The following DGKG variants were observed in gnomAD, a reference collection of about 807,000 sequenced individuals.
DGKG encodes the protein DAG kinase gamma.
In DGKG, 78 loss-of-function variants were observed where a neutral mutation model predicts 105.3. The ratio of observed to expected loss-of-function variants is 0.74; its 90% CI spans 0.62 to 0.89. DGKG has a LOEUF of 0.89. Ranked by LOEUF, DGKG falls within the 40% of genes least tolerant of loss-of-function variation. The probability of loss-of-function intolerance (pLI) is 0.00; values close to 1 mark genes in which losing one functional copy is unlikely to be tolerated. For synonymous variants in DGKG, 346 were observed against 367.1 expected (o/e 0.94, Z 0.66); for missense variants, 958 against 1,020.1 (o/e 0.94, Z 0.83).
chr3:186,254,755 C>T (rs1480023735), intron 17 of DGKG, among the ~76,000 whole-genome samples: 1 of 152,178 alleles, frequency 6.6e-6, no homozygotes, highest in Non-Finnish European at 1.5e-5. Context: ...CCTCCAGTTC[C>T]ACCCTCCTAG....
At chr3:186,179,163 G>T (rs780838808) in intron 22 of DGKG, among the ~76,000 whole-genome samples, 10 of 152,144 alleles carry the variant, frequency 6.6e-5, no homozygotes, top group Non-Finnish European at 1.3e-4. Flanking sequence ...CTAGTGCAGG[G>T]ATTGACTAAC....
At chr3:186,222,811 C>G (rs1719653759) in intron 20 of DGKG, among the ~76,000 whole-genome samples, 1 of 151,410 alleles carries the variant, frequency 6.6e-6, no homozygotes, top group African/African-American at 2.4e-5. Context: ...CACCCCATCT[C>G]TACTAAAAAT....
chr3:186,206,096 A>G (rs1285407595), intron 21 of DGKG, among the ~76,000 whole-genome samples: 1 of 152,138 alleles, frequency 6.6e-6, no homozygotes, highest in Non-Finnish European at 1.5e-5. Flanking sequence ...TTAAATATCA[A>G]GGAATTGGGC....
chr3:186,211,724 T>C, intron 21 of DGKG, 71 bp downstream of exon 21: 1 of 1,135,644 alleles, frequency 8.8e-7, no homozygotes, highest in South Asian at 1.2e-5. Context: ...AGAGGATACA[T>C]CCTGTGCATG....
At chr3:186,336,524 C>T (rs1725840045) in intron 1 of DGKG, among the ~76,000 whole-genome samples, 4 of 151,992 alleles carry the variant, frequency 2.6e-5, no homozygotes, top group South Asian at 4.2e-4. Flanking sequence ...ATGAATGAAG[C>T]CTCCAACTCA....
chr3:186,179,937 A>G (rs758750861), intron 22 of DGKG, among the ~76,000 whole-genome samples: 14 of 152,148 alleles, frequency 9.2e-5, no homozygotes, highest in Admixed American at 5.2e-4. Context: ...ACAATCCCCT[A>G]ACTCACTGCT....
intron 1 of DGKG, among the ~76,000 whole-genome samples, chr3:186,356,061 T>A (rs2108679301): frequency 6.6e-6 from 1 of 152,344 alleles, no homozygotes; most frequent in South Asian, 2.1e-4. Flanking sequence ...AGACCTTTGA[T>A]AAGATTCTTC....
rs1156781787 is a variant in DGKG, at chr3:186,284,096, A to G, written c.594+564T>C. On this transcript the variant is annotated intron_variant, in intron 7 of 24. Transcript: ENST00000265022. The surrounding 1 kb of genome is among the most constrained non-coding windows in gnomAD (Gnocchi z 4.0). ...TGAGTCTCAGGCTTTCTCAGGTGCA[A>G]TGGGATGGGAACATGTACTTAGAGC... is the stretch of plus-strand genomic sequence containing the variant. Among the ~76,000 whole-genome samples the G allele has an allele frequency of 4.6e-5, 7 of 151,914 alleles. No individual in the cohort carries two copies. The highest frequency in any genetic ancestry group is 1.2e-4 in the African/African-American group (5 of 41,350).
chr3:186,289,651 A>G (rs546213265), intron 5 of DGKG, among the ~76,000 whole-genome samples: 1 of 152,286 alleles, frequency 6.6e-6, no homozygotes, highest in Admixed American at 6.5e-5. Flanking sequence ...CTCCATGCTC[A>G]TCAGAAATGA....
At chr3:186,172,888 C>G (rs1407664793) in intron 22 of DGKG, among the ~76,000 whole-genome samples, 1 of 152,230 alleles carries the variant, frequency 6.6e-6, no homozygotes, top group East Asian at 1.9e-4. Flanking sequence ...CTTCCACAAA[C>G]AAGCAGCCAC....
chr3:186,313,926 C>T (rs913794949), intron 2 of DGKG, among the ~76,000 whole-genome samples: 17 of 151,998 alleles, frequency 1.1e-4, no homozygotes, highest in African/African-American at 4.1e-4. Flanking sequence ...TACTGGCCAG[C>T]ATAAATAGCA....
chr3:186,179,452 C>T (rs1189845791), intron 22 of DGKG, among the ~76,000 whole-genome samples: 1 of 152,184 alleles, frequency 6.6e-6, no homozygotes, highest in East Asian at 1.9e-4. Flanking sequence ...CTGGGTTTGG[C>T]TAAGGGCAAG....
chr3:186,179,147 G>A (rs575112121), intron 22 of DGKG, among the ~76,000 whole-genome samples: 1 of 152,278 alleles, frequency 6.6e-6, no homozygotes, highest in South Asian at 2.1e-4. Flanking sequence ...TGGACCACAC[G>A]GCGTTCTAGT....
chr3:186,348,865 T>C (rs1726489403), intron 1 of DGKG, among the ~76,000 whole-genome samples: 1 of 152,210 alleles, frequency 6.6e-6, no homozygotes, highest in African/African-American at 2.4e-5. Context: ...AAAACATTGT[T>C]TTTCTGTTTT....
chr3:186,324,137 T>C (rs1578835421), intron 1 of DGKG, among the ~76,000 whole-genome samples: 2 of 146,622 alleles, frequency 1.4e-5, no homozygotes, highest in African/African-American at 2.5e-5. Context: ...AATGCCTCCA[T>C]GGCCTGGGCA....
chr3:186,350,093 T>C (rs771796778), intron 1 of DGKG, among the ~76,000 whole-genome samples: 20 of 152,146 alleles, frequency 1.3e-4, no homozygotes, highest in Non-Finnish European at 1.8e-4. Flanking sequence ...CTTCATCATG[T>C]TGGCCAGGCT....
intron 7 of DGKG, among the ~76,000 whole-genome samples, chr3:186,281,671 G>T (rs1022482381): frequency 6.6e-6 from 1 of 152,176 alleles, no homozygotes; most frequent in Non-Finnish European, 1.5e-5. Context: ...TACAGGATAG[G>T]CCAGTAGATG....
chr3:186,298,167 C>T lies in DGKG; in HGVS notation c.207G>A (p.Gln69=), dbSNP rs751365522. The change falls in exon 4 of 25, where the codon CAG becomes CAA. Residue 69 remains glutamine, a synonymous_variant. Coordinates refer to ENST00000265022, the MANE Select transcript of DGKG (RefSeq NM_001346.3). ...MRAYLEVDLP[Q]PLSTHLFLAF... ...CCAGGAAGAGGTGAGTGCTCAGTGG[C>T]TGGGGAAGGTCCACCTCCAGGTACG... 1 of 1,614,008 alleles carries T rather than the reference C, an allele frequency of 6.2e-7. No homozygotes were observed. Among genetic ancestry groups the T allele is most frequent in the Non-Finnish European group, 8.5e-7 (1 of 1,179,968 alleles).
intron 20 of DGKG, among the ~76,000 whole-genome samples, chr3:186,240,167 T>C (rs1436056399): frequency 6.6e-6 from 1 of 152,210 alleles, no homozygotes; most frequent in African/African-American, 2.4e-5. Flanking sequence ...TATCTTTTCG[T>C]ACATTTGCTT....
Sources: allele counts gnomAD v4.1 joint callset (sites outside exome capture counted in the v4.1 genomes callset), GRCh38; gene constraint gnomAD v4.1.1; non-coding constraint Gnocchi (gnomAD v3.1); transcripts MANE v1.5; gene names NCBI Gene and HGNC (gene_info 2026-07-23, HGNC 2026-07-21).